Variants in SLC9A5 observed in about 807,000 individuals in gnomAD.
SLC9A5 encodes the protein sodium/hydrogen exchanger 5.
A neutral mutation model predicts 91.7 loss-of-function variants in SLC9A5; 52 were observed. The ratio of observed to expected loss-of-function variants is 0.57; its 90% CI spans 0.45 to 0.71. The LOEUF is 0.71. Among genes scored for constraint, SLC9A5 ranks in the 30% least tolerant of loss-of-function variants. The pLI is 0.00. For missense variants in SLC9A5, 871 were observed against 1,158.9 expected (o/e 0.75, Z 3.61); for synonymous variants, 419 against 474.5 (o/e 0.88, Z 1.52).
At position 67,252,633 on chromosome 16, in the gene SLC9A5, T is replaced by C. The variant is rs1347950878; in HGVS notation, c.279T>C (p.Ala93=). 6.2e-7 allele frequency: 1 copy of C among 1,614,202 alleles called. No homozygotes were observed. ...LGLVLGGIVL[A]VAKKAEYQLE... is the part of the protein sequence containing the mutation. ...TGGTGCTAGGGGGAATTGTTTTGGC[T>C]GTGGCCAAGAAAGCTGAGTACCAGC... Residue 93 remains alanine, a synonymous_variant, in exon 2 of 16, where the codon GCT becomes GCC. Coordinates refer to ENST00000299798, the MANE Select transcript of SLC9A5 (RefSeq NM_004594.3). The surrounding 1 kb of genome is among the most constrained non-coding windows in gnomAD (Gnocchi z 4.0).
Position 67,258,369 on chromosome 16 carries a change from A to G in SLC9A5, c.1548A>G (p.Ser516=). ...TGAGTCAGCTGCTGATGCGACGATCAGCCTACCGCATCCGGGACCAGATCT... is the reference window on the plus strand; with the variant it reads ...TGAGTCAGCTGCTGATGCGACGATCGGCCTACCGCATCCGGGACCAGATCT... ...KYLSQLLMRR[S]AYRIRDQIWD... The change falls in exon 10 of 16, where the codon TCA becomes TCG. Residue 516 remains serine, a synonymous_variant. Coordinates refer to ENST00000299798, the MANE Select transcript of SLC9A5 (RefSeq NM_004594.3). This position sits in a 1 kb window ranked among gnomAD's most constrained non-coding sequence, Gnocchi z 4.5. The G allele has an allele frequency of 6.2e-7, 1 of 1,614,160 alleles. No individual in the cohort carries two copies. Among genetic ancestry groups the G allele is most frequent in the Non-Finnish European group, 8.5e-7 (1 of 1,180,000 alleles).
chr16:67,269,719 G>T (rs2035855952), intron 15 of SLC9A5, among the ~76,000 whole-genome samples: 1 of 152,132 alleles, frequency 6.6e-6, no homozygotes. Context: ...GGCTGCTCAG[G>T]ACTTTATCGA....
rs762745714 is a variant in SLC9A5 at position 67,256,707 on chromosome 16, T to C, written c.1132+18T>C. On this transcript the variant is annotated intron_variant, in intron 6 of 15. Coordinates refer to ENST00000299798, the MANE Select transcript of SLC9A5 (RefSeq NM_004594.3). This position sits in a 1 kb window ranked among gnomAD's most constrained non-coding sequence, Gnocchi z 4.1. The stretch of plus-strand genomic sequence containing the variant: ...AGCCCTCGGTATTGCTGGCACCCTC[T>C]GCTTTCCCACTCTCCTTCCTGTCCC... 4 of 1,588,530 alleles carry C rather than the reference T, an allele frequency of 2.5e-6. No individual in the cohort carries two copies. Among genetic ancestry groups the C allele is most frequent in the Non-Finnish European group, 3.4e-6 (4 of 1,159,508 alleles).
At chr16:67,269,821 A>C (rs1456427336) in intron 15 of SLC9A5, among the ~76,000 whole-genome samples, 1 of 152,128 alleles carries the variant, frequency 6.6e-6, no homozygotes, top group Non-Finnish European at 1.5e-5. Flanking sequence ...TCAGAACCTC[A>C]GATTTCCTGT....
At chr16:67,269,435 C>G (rs1199317313) in intron 15 of SLC9A5, among the ~76,000 whole-genome samples, 2 of 151,936 alleles carry the variant, frequency 1.3e-5, no homozygotes, top group Admixed American at 1.3e-4. Flanking sequence ...CCATCTCAAA[C>G]AAACAAAAAA....
chr16:67,266,276 C>T (rs1447170913), intron 15 of SLC9A5, 51 bp downstream of exon 15: 14 of 1,521,136 alleles, frequency 9.2e-6, no homozygotes, highest in Non-Finnish European at 1.2e-5. Context: ...CTGGTTTCCT[C>T]TCTCTTCACT....
intron 10 of SLC9A5, among the ~76,000 whole-genome samples, chr16:67,259,125 G>C (rs1021811730): frequency 6.6e-6 from 1 of 152,068 alleles, no homozygotes; most frequent in African/African-American, 2.4e-5. Context: ...CAGGCGTGGT[G>C]GTGGGCACCT....
In SLC9A5 at chr16:67,266,207, C is replaced by T; in HGVS notation, c.2200C>T (p.Gln734Ter). The T allele has an allele frequency of 6.2e-7, 1 of 1,606,302 alleles. No homozygotes were observed. Among genetic ancestry groups the T allele is most frequent in the Non-Finnish European group, 8.5e-7 (1 of 1,176,592 alleles). The change falls in exon 15 of 16, where the codon CAA becomes TAA. Residue 734 changes from glutamine to a stop codon, truncating the protein, a stop_gained. Transcript: ENST00000299798. LOFTEE classifies it high-confidence loss of function. Reference sequence around the variant, plus strand: ...GGCTCGTGCCACCAGTGAGGTTCTCCAAGAGGGCAAGGTCTCAGGTAATGG... The same window carrying T: ...GGCTCGTGCCACCAGTGAGGTTCTCTAAGAGGGCAAGGTCTCAGGTAATGG... ...FVARATSEVL[Q>*]EGKVSGSLEV...
At chr16:67,267,090 T>G (rs928242015) in intron 15 of SLC9A5, among the ~76,000 whole-genome samples, 2 of 146,032 alleles carry the variant, frequency 1.4e-5, no homozygotes, top group Admixed American at 6.8e-5. Flanking sequence ...TGTTTTTTTT[T>G]TTTTTTTTTT....
At position 67,256,344 on chromosome 16, in the gene SLC9A5, G is replaced by A; in HGVS notation, c.912-125G>A. On this transcript the variant is annotated intron_variant, in intron 5 of 15. Coordinates refer to ENST00000299798, the MANE Select transcript of SLC9A5 (RefSeq NM_004594.3). This position sits in a 1 kb window ranked among gnomAD's most constrained non-coding sequence, Gnocchi z 4.1. ...CATTCAAGTCTTCAGGCCTCCCTGG[G>A]CTTCAGCTCTGAGAGTCTGACATCC... 1.4e-6 allele frequency: 1 copy of A among 689,994 alleles called. No individual in the cohort carries two copies. Among genetic ancestry groups the A allele is most frequent in the Non-Finnish European group, 2.5e-6 (1 of 394,132 alleles). 42.7% of individuals were successfully genotyped at this position (689,994 alleles called of 1,614,324 possible).
At chr16:67,250,019 C>G in intron 1 of SLC9A5, among the ~76,000 whole-genome samples, 1 of 152,202 alleles carries the variant, frequency 6.6e-6, no homozygotes, top group Non-Finnish European at 1.5e-5. Context: ...CCCTGTTGTG[C>G]TGGCTCTGCT....
chr16:67,256,872 C>A lies in SLC9A5; in HGVS notation c.1133-39C>A. On this transcript the variant is annotated intron_variant, in intron 6 of 15. Coordinates refer to ENST00000299798, the MANE Select transcript of SLC9A5 (RefSeq NM_004594.3). The surrounding 1 kb of genome is among the most constrained non-coding windows in gnomAD (Gnocchi z 4.1). ...CCCATCCGGTCCCACGTCCTCCACTCCCAACGCTTTGCTCCCACTGGCCTC... is the reference window on the plus strand; with the variant it reads ...CCCATCCGGTCCCACGTCCTCCACTACCAACGCTTTGCTCCCACTGGCCTC... 2 of 1,601,340 alleles carry A rather than the reference C, an allele frequency of 1.2e-6. No individual in the cohort carries two copies. The highest frequency in any genetic ancestry group is 1.7e-6 in the Non-Finnish European group (2 of 1,170,734).
At chr16:67,251,871 C>T (rs556685460) in intron 1 of SLC9A5, among the ~76,000 whole-genome samples, 4 of 152,066 alleles carry the variant, frequency 2.6e-5, no homozygotes, top group African/African-American at 4.8e-5. Flanking sequence ...CTCCAAAGAC[C>T]CTGATTTTTA....
intron 2 of SLC9A5, among the ~76,000 whole-genome samples, chr16:67,253,562 G>C (rs2035207682): frequency 6.6e-6 from 1 of 152,076 alleles, no homozygotes; most frequent in African/African-American, 2.4e-5. Flanking sequence ...TCTCACTCTT[G>C]TCCAGGCTAG....
Position 67,255,262 on chromosome 16 carries a change from G to A in SLC9A5, c.654+78G>A. 1.3e-6 allele frequency: 2 copies of A among 1,557,758 alleles called. No homozygotes were observed. Among genetic ancestry groups the A allele is most frequent in the Non-Finnish European group, 1.8e-6 (2 of 1,141,124 alleles). ...CCAACTAGGGGTCTGCGCAGACTCAGTCCCTTCCCTTGGGTCCCCTGGGGC... is the reference window on the plus strand; with the variant it reads ...CCAACTAGGGGTCTGCGCAGACTCAATCCCTTCCCTTGGGTCCCCTGGGGC... On this transcript the variant is annotated intron_variant, in intron 3 of 15. Transcript: ENST00000299798. The surrounding 1 kb of genome is among the most constrained non-coding windows in gnomAD (Gnocchi z 4.9).
In SLC9A5 at chr16:67,254,989, G is replaced by T. The variant is rs192458303; in HGVS notation, c.491-32G>T. ...TCCAGGAGACTGGGTCGTCTTCAAT[G>T]ACTGGCCTGTCCTACACATGTCCCT... On this transcript the variant is annotated intron_variant, in intron 2 of 15. Coordinates refer to ENST00000299798, the MANE Select transcript of SLC9A5 (RefSeq NM_004594.3). The T allele has an allele frequency of 2.5e-5, 39 of 1,591,786 alleles. No individual in the cohort carries two copies. The East Asian group carries it at 6.1e-4, about 25-fold the overall frequency.
chr16:67,259,800 G>A lies in SLC9A5; in HGVS notation c.1716-20G>A. The A allele has an allele frequency of 1.9e-6, 3 of 1,613,322 alleles. No homozygotes were observed. The highest frequency in any genetic ancestry group is 2.5e-6 in the Non-Finnish European group (3 of 1,179,376). On this transcript the variant is annotated intron_variant, in intron 11 of 15. Coordinates refer to ENST00000299798, the MANE Select transcript of SLC9A5 (RefSeq NM_004594.3). ...GCCTCCTGCCCCCTCTCCAGCACAT[G>A]TGTCCCCTGCCTCCTGCAGGAGGGA... is the stretch of plus-strand genomic sequence containing the variant.
rs2035918489 is a variant in SLC9A5 at position 67,271,325 on chromosome 16, A to G, written c.*115A>G. 3.2e-6 allele frequency: 3 copies of G among 936,382 alleles called. No individual in the cohort carries two copies. Among genetic ancestry groups the G allele is most frequent in the Non-Finnish European group, 4.9e-6 (3 of 618,526 alleles). The allele number at this position is 936,382 out of a possible 1,614,324, so 58.0% of individuals were successfully genotyped here. A position where few individuals can be genotyped will look rare whatever the true frequency, so the allele number is the denominator to read the frequency against. On this transcript the variant is annotated 3_prime_UTR_variant, in exon 16 of 16. Coordinates refer to ENST00000299798, the MANE Select transcript of SLC9A5 (RefSeq NM_004594.3). ...CCAGAAGGGCCTGGGTTGAAGTAGTAATTGGGCTTCCTTGGAGCTAGTCAG... is the reference window on the plus strand; with the variant it reads ...CCAGAAGGGCCTGGGTTGAAGTAGTGATTGGGCTTCCTTGGAGCTAGTCAG...
Position 67,252,505 on chromosome 16 carries a change from A to C in SLC9A5, c.188-37A>C. The C allele has an allele frequency of 6.4e-7, 1 of 1,568,872 alleles. No individual in the cohort carries two copies. Reference sequence around the variant, plus strand: ...AGGCCTGTGTGTGGGAGGATATTCCATAAACTGATCCATCCTGCACTCTTT... The same window carrying C: ...AGGCCTGTGTGTGGGAGGATATTCCCTAAACTGATCCATCCTGCACTCTTT... On this transcript the variant is annotated intron_variant, in intron 1 of 15. Coordinates refer to ENST00000299798, the MANE Select transcript of SLC9A5 (RefSeq NM_004594.3). The surrounding 1 kb of genome is among the most constrained non-coding windows in gnomAD (Gnocchi z 4.0).
Sources: allele counts gnomAD v4.1 joint callset (sites outside exome capture counted in the v4.1 genomes callset), GRCh38; gene constraint gnomAD v4.1.1; non-coding constraint Gnocchi (gnomAD v3.1); transcripts MANE v1.5; gene names NCBI Gene and HGNC (gene_info 2026-07-23, HGNC 2026-07-21).